The following ATP2A2 variants were observed in gnomAD, a reference collection of about 807,000 sequenced individuals.
ATP2A2 encodes sarcoplasmic/endoplasmic reticulum calcium ATPase 2.
ATP2A2 carries 14 observed loss-of-function variants against 109.3 expected under a neutral mutation model. The ratio of observed to expected loss-of-function variants is 0.13; its 90% CI spans 0.08 to 0.20. The LOEUF (loss-of-function observed/expected upper bound fraction) is 0.20. Ranked by LOEUF, ATP2A2 falls within the 10% of genes least tolerant of loss-of-function variation. The pLI, the probability that ATP2A2 is intolerant of heterozygous loss-of-function variation, is 1.00. For synonymous variants in ATP2A2, 506 were observed against 490.9 expected (o/e 1.03, Z -0.41); for missense variants, 657 against 1,321.6 (o/e 0.50, Z 7.80).
chr12:110,320,847 A>G (rs79685248), intron 5 of ATP2A2, among the ~76,000 whole-genome samples: 1 of 152,322 alleles, frequency 6.6e-6, no homozygotes, highest in East Asian at 1.9e-4. Context: ...CATTGTTTTT[A>G]TGCACTCAAA....
rs916697367 is a variant in ATP2A2 at position 110,333,165 on chromosome 12, T to A, written c.1185-16T>A. 6 of 1,604,430 alleles carry A rather than the reference T, an allele frequency of 3.7e-6. No homozygotes were observed. Among genetic ancestry groups the A allele is most frequent in the Non-Finnish European group, 5.1e-6 (6 of 1,171,546 alleles). ...GCGACCATACCCTGCTCTAAGAGTG[T>A]TTTCTCTTTGGGCAGGCATAAAGAT... On this transcript the variant is annotated splice_polypyrimidine_tract_variant and intron_variant, in intron 9 of 19. Coordinates refer to ENST00000539276, the MANE Select transcript of ATP2A2 (RefSeq NM_170665.4).
intron 1 of ATP2A2, among the ~76,000 whole-genome samples, chr12:110,282,164 G>T (rs1455426784): frequency 6.6e-6 from 1 of 152,230 alleles, no homozygotes; most frequent in Admixed American, 6.5e-5. Context: ...GCAGCAGCCG[G>T]CCCCGGTGGA....
intron 11 of ATP2A2, among the ~76,000 whole-genome samples, chr12:110,336,084 G>C (rs1315191913): frequency 3.3e-5 from 5 of 152,220 alleles, no homozygotes; most frequent in African/African-American, 9.6e-5. Context: ...CCTAGCTGTG[G>C]AGCTTGGATT....
intron 3 of ATP2A2, among the ~76,000 whole-genome samples, chr12:110,288,101 C>CTTTTT (rs71083111): frequency 7.6e-4 from 66 of 87,314 alleles, no homozygotes; most frequent in African/African-American, 2.0e-3. Context: ...ATGCTTTGCC[C>CTTTTT]TTTTTTTTTT....
At chr12:110,306,567 A>G (rs1406651802) in intron 5 of ATP2A2, among the ~76,000 whole-genome samples, 4 of 152,010 alleles carry the variant, frequency 2.6e-5, no homozygotes, top group East Asian at 1.9e-4. Context: ...CTTAATGGCT[A>G]TGTGTACTCA....
rs200631956 is a variant in ATP2A2, at chr12:110,344,023, T to TG, written c.2521+592dup. On this transcript the variant is annotated intron_variant, in intron 16 of 19. Transcript: ENST00000539276. ...ACAATGGCATAGAATGGAAAGGGTT[T>TG]GGGCCAGTCACTTCCCTCTGGCGTT... Among the ~76,000 whole-genome samples the TG allele has an allele frequency of 6.9e-3, 1,047 of 152,298 alleles. 1 individual carries two copies. Among genetic ancestry groups the TG allele is most frequent in the Non-Finnish European group, 9.5e-3 (643 of 68,030 alleles).
chr12:110,317,227 C>A (rs1278197218), intron 5 of ATP2A2, among the ~76,000 whole-genome samples: 1 of 152,072 alleles, frequency 6.6e-6, no homozygotes, highest in Non-Finnish European at 1.5e-5. Context: ...CCTTGTGTTT[C>A]CTAGGAGCCA....
At position 110,345,235 on chromosome 12, in the gene ATP2A2, G is replaced by T. The variant is rs1879731145; in HGVS notation, c.2608-14G>T. 1.2e-6 allele frequency: 2 copies of T among 1,614,144 alleles called. No homozygotes were observed. The highest frequency in any genetic ancestry group is 4.5e-5 in the East Asian group (2 of 44,880). On this transcript the variant is annotated splice_polypyrimidine_tract_variant and intron_variant, in intron 17 of 19. Transcript: ENST00000539276. ...ATACTGGGCTGATAGGAATTTGATTGGATTTTCTTGCAGAGTCATTTCCTA... is the reference window on the plus strand; with the variant it reads ...ATACTGGGCTGATAGGAATTTGATTTGATTTTCTTGCAGAGTCATTTCCTA...
Position 110,296,592 on chromosome 12 carries a change from T to C in ATP2A2, c.325-7T>C. On this transcript the variant is annotated splice_polypyrimidine_tract_variant and splice_region_variant and intron_variant, in intron 4 of 19. Transcript: ENST00000539276. ...TCTTTACTACTCTTCTGTTTTCTTT[T>C]ATACAGGAAAGAAATGCTGAAAATG... is the stretch of plus-strand genomic sequence containing the variant. 2 of 1,614,118 alleles carry C rather than the reference T, an allele frequency of 1.2e-6. No homozygotes were observed. The highest frequency in any genetic ancestry group is 1.3e-5 in the African/African-American group (1 of 75,048).
Position 110,327,355 on chromosome 12 carries a change from A to C in ATP2A2, c.631-198A>C, listed in dbSNP as rs544573478. On this transcript the variant is annotated intron_variant, in intron 7 of 19. Coordinates refer to ENST00000539276, the MANE Select transcript of ATP2A2 (RefSeq NM_170665.4). The surrounding 1 kb of genome is among the most constrained non-coding windows in gnomAD (Gnocchi z 4.4). ...AATAGAAATCTAGGTGGGTCAGTAC[A>C]GAGCTGCCTGACATAAGTAAGTAGC... Among the ~76,000 whole-genome samples, 10 of 152,336 alleles carry C rather than the reference A, an allele frequency of 6.6e-5. No homozygotes were observed. The highest frequency in any genetic ancestry group is 4.1e-4 in the South Asian group (2 of 4,824).
At chr12:110,296,536 T>C in intron 4 of ATP2A2, 63 bp from the exon 5 acceptor site, 1 of 1,598,332 alleles carries the variant, frequency 6.3e-7, no homozygotes, top group South Asian at 1.1e-5. Flanking sequence ...TTTTATTCCT[T>C]GGGTTAGAAA....
chr12:110,331,854 T>C (rs1878373724), intron 8 of ATP2A2: 1 of 152,226 alleles, frequency 6.6e-6, no homozygotes, highest in African/African-American at 2.4e-5. Flanking sequence ...GGCTTCTGAA[T>C]TATAATTTGT....
chr12:110,347,029 A>G lies in ATP2A2; in HGVS notation c.*559A>G. 1 of 367,860 alleles carries G rather than the reference A, an allele frequency of 2.7e-6. No homozygotes were observed. Among genetic ancestry groups the G allele is most frequent in the Non-Finnish European group, 3.3e-6 (1 of 298,820 alleles). 22.8% of individuals were successfully genotyped at this position (367,860 alleles called of 1,614,324 possible). Reference sequence around the variant, plus strand: ...CTTTGGCCTCCGTTCACCCCACCCCACCCCACCTCTCCCCACCTTACCCCC... The same window carrying G: ...CTTTGGCCTCCGTTCACCCCACCCCGCCCCACCTCTCCCCACCTTACCCCC... On this transcript the variant is annotated 3_prime_UTR_variant, in exon 20 of 20. Coordinates refer to ENST00000539276, the MANE Select transcript of ATP2A2 (RefSeq NM_170665.4).
chr12:110,293,376 TTTTTTTTTTTTTG>T lies in ATP2A2; in HGVS notation c.324+1256_324+1268del, dbSNP rs1383947329. Among the ~76,000 whole-genome samples the T allele has an allele frequency of 1.1e-3, 136 of 118,834 alleles. 3 individuals are homozygous for T. The highest frequency in any genetic ancestry group is 4.4e-3 in the African/African-American group (128 of 29,002). The allele number at this position is 118,834 out of a possible 152,430, so 78.0% of individuals were successfully genotyped here. A position where few individuals can be genotyped will look rare whatever the true frequency, so the allele number is the denominator to read the frequency against. Reference sequence around the variant, plus strand: ...AGCCACCACTCCCGGCCTTTTTTTTTTTTTTTTTTTTTGTTTGTTTGTTTGTTTGTTTGTTTTG... The same window carrying T: ...AGCCACCACTCCCGGCCTTTTTTTTTTTTGTTTGTTTGTTTGTTTGTTTTG... On this transcript the variant is annotated intron_variant, in intron 4 of 19. Transcript: ENST00000539276.
intron 6 of ATP2A2, among the ~76,000 whole-genome samples, chr12:110,324,283 T>C (rs1877540221): frequency 6.6e-6 from 1 of 152,196 alleles, no homozygotes; most frequent in Admixed American, 6.5e-5. Flanking sequence ...ATTGTTTCTT[T>C]ATAAATAGCT....
At chr12:110,338,307 T>C (rs990374393) in intron 11 of ATP2A2, among the ~76,000 whole-genome samples, 4 of 152,242 alleles carry the variant, frequency 2.6e-5, no homozygotes, top group African/African-American at 7.2e-5. Flanking sequence ...ATCCATCACG[T>C]GTGACAGCCA....
In ATP2A2 at chr12:110,349,369, G is replaced by T; in HGVS notation, c.*2899G>T. On this transcript the variant is annotated 3_prime_UTR_variant, in exon 20 of 20. Transcript: ENST00000539276. ...TTCCACATTCTTTCCTGATGGGCAG[G>T]TGGCTGAAGGCCCAGCCATCAGTGT... The T allele has an allele frequency of 1.0e-6, 1 of 985,500 alleles. No homozygotes were observed. The highest frequency in any genetic ancestry group is 1.2e-6 in the Non-Finnish European group (1 of 829,984). The allele number at this position is 985,500 out of a possible 1,614,324, so 61.0% of individuals were successfully genotyped here.
chr12:110,292,013 C>T lies in ATP2A2; in HGVS notation c.220-7C>T. The stretch of plus-strand genomic sequence containing the variant: ...AGACACATTCTAACGTGCCATTTCT[C>T]TTCTAGGTTTTGGCTTGGTTTGAAG... On this transcript the variant is annotated splice_polypyrimidine_tract_variant and splice_region_variant and intron_variant, in intron 3 of 19. Transcript: ENST00000539276. 6 of 1,612,482 alleles carry T rather than the reference C, an allele frequency of 3.7e-6. No homozygotes were observed. Among genetic ancestry groups the T allele is most frequent in the Non-Finnish European group, 4.2e-6 (5 of 1,178,490 alleles).
At chr12:110,316,117 C>T (rs757911674) in intron 5 of ATP2A2, among the ~76,000 whole-genome samples, 5 of 152,178 alleles carry the variant, frequency 3.3e-5, no homozygotes, top group Non-Finnish European at 5.9e-5. Context: ...ATGTTTATTT[C>T]CAAGTTAGTC....
Sources: allele counts gnomAD v4.1 joint callset (sites outside exome capture counted in the v4.1 genomes callset), GRCh38; gene constraint gnomAD v4.1.1; non-coding constraint Gnocchi (gnomAD v3.1); transcripts MANE v1.5; gene names NCBI Gene and HGNC (gene_info 2026-07-23, HGNC 2026-07-21).